ARSA: variants seen among roughly 807,000 people sequenced by gnomAD.
The protein encoded by ARSA is arylsulfatase A, also known as cerebroside-sulfatase.
Under a neutral mutation model 37.8 loss-of-function variants are expected in ARSA, and 32 were observed. That is an observed-to-expected ratio of 0.85 (90% CI 0.64 to 1.14). ARSA has a LOEUF of 1.14. ARSA is among the 50% of genes most tolerant of loss of function. The pLI is 0.00. For missense variants in ARSA, 685 were observed against 686.3 expected, an observed-to-expected ratio of 1.00 and a Z score of 0.02; for synonymous variants, 303 against 303.4, an observed-to-expected ratio of 1.00 and a Z score of 0.01.
Position 50,626,590 on chromosome 22 carries a change from C to T in ARSA, c.854+1G>A, listed in dbSNP as rs886041911. ...AGCACCCAGCTGCCCTGCTGGCATA[C>T]CCATTGTCTGCAGTGAAGATGACCA... On this transcript the variant is annotated splice_donor_variant, in intron 4 of 7. Coordinates refer to ENST00000216124, the MANE Select transcript of ARSA (RefSeq NM_000487.6). LOFTEE classifies it high-confidence loss of function. 6.2e-7 allele frequency: 1 copy of T among 1,612,982 alleles called. No homozygotes were observed.
intron 4 of ARSA, 52 bp downstream of exon 4, chr22:50,626,539 A>C: frequency 6.2e-7 from 1 of 1,604,766 alleles, no homozygotes. Context: ...CAAGGCCTCC[A>C]GGGCCCTGGC....
Position 50,624,738 on chromosome 22 carries a change from C to T in ARSA, c.*407G>A. On this transcript the variant is annotated 3_prime_UTR_variant, in exon 8 of 8. Transcript: ENST00000216124. ...CTGGCCCTCACACCCTCCCACCCTC[C>T]CACCCCGTTCCTGGCACTCAAAGGC... Among the ~76,000 whole-genome samples the T allele has an allele frequency of 6.7e-6, 1 of 149,078 alleles. No individual in the cohort carries two copies. Among genetic ancestry groups the T allele is most frequent in the Non-Finnish European group, 1.5e-5 (1 of 67,360 alleles).
intron 7 of ARSA, 56 bp downstream of exon 7, chr22:50,625,523 A>G: frequency 1.3e-6 from 2 of 1,580,906 alleles, no homozygotes; most frequent in Non-Finnish European, 1.7e-6. Flanking sequence ...CCAGGGATCT[A>G]GGGCTCCGGG....
At position 50,625,167 on chromosome 22, in the gene ARSA, T is replaced by A; in HGVS notation, c.1508A>T (p.His503Leu). Residue 503 changes from histidine to leucine, a missense_variant, in exon 8 of 8, where the codon CAT becomes CTT. His to Leu is a moderately conservative substitution (Grantham distance 99). Transcript: ENST00000216124. ...CCCTCAGGCATGGGGATCTGGGCAATGGCAGCAAGCTGGGCGGGGGGTGCA... is the reference window on the plus strand; with the variant it reads ...CCCTCAGGCATGGGGATCTGGGCAAAGGCAGCAAGCTGGGCGGGGGGTGCA... ...PGCTPRPACC[H>L]CPDPHA is the part of the protein sequence containing the mutation. 1 of 1,585,668 alleles carries A rather than the reference T, an allele frequency of 6.3e-7. No individual in the cohort carries two copies. The highest frequency in any genetic ancestry group is 8.6e-7 in the Non-Finnish European group (1 of 1,166,772).
chr22:50,625,850 C>T, intron 6 of ARSA, 86 bp downstream of exon 6: 1 of 1,545,888 alleles, frequency 6.5e-7, no homozygotes, highest in Non-Finnish European at 8.7e-7. Flanking sequence ...CACTGAGGCA[C>T]AGACTCTCAG....
rs1348625953 is a variant in ARSA at position 50,627,629 on chromosome 22, G to C, written c.151C>G (p.Leu51Val). 7 of 1,561,390 alleles carry C rather than the reference G, an allele frequency of 4.5e-6. 1 individual carries two copies. In the South Asian group the frequency reaches 7.1e-5, roughly 16 times the overall value. ...YGHPSSTTPN[L>V]DQLAAGGLRF... ...AGCCCTCCCGCCGCCAGCTGGTCCAGGTTGGGAGTGGTAGAGCTGGGGTGC... is the reference window on the plus strand; with the variant it reads ...AGCCCTCCCGCCGCCAGCTGGTCCACGTTGGGAGTGGTAGAGCTGGGGTGC... Residue 51 changes from leucine to valine, a missense_variant, in exon 1 of 8, where the codon CTG becomes GTG. Transcript: ENST00000216124.
chr22:50,624,842 T>C lies in ARSA; in HGVS notation c.*303A>G, dbSNP rs1326557584. On this transcript the variant is annotated 3_prime_UTR_variant, in exon 8 of 8. Coordinates refer to ENST00000216124, the MANE Select transcript of ARSA (RefSeq NM_000487.6). Reference sequence around the variant, plus strand: ...GCCTGTGTGCACTGACCCACGCAGATCACCAAGGCGCCAGGGCAGCTTCCA... The same window carrying C: ...GCCTGTGTGCACTGACCCACGCAGACCACCAAGGCGCCAGGGCAGCTTCCA... Among the ~76,000 whole-genome samples the C allele has an allele frequency of 6.7e-6, 1 of 149,280 alleles. No homozygotes were observed. The highest frequency in any genetic ancestry group is 1.5e-5 in the Non-Finnish European group (1 of 67,762).
At position 50,627,570 on chromosome 22, in the gene ARSA, C is replaced by T. The variant is rs776251854; in HGVS notation, c.210G>A (p.Leu70=). ...CCCCTCTTTACCTAGAGGGTGTGCA[C>T]AGAGACACAGGCACGTAGAAGTCTG... The part of the protein sequence containing the change: ...RFTDFYVPVS[L]CTPSRAALLT... Residue 70 remains leucine (L), a synonymous_variant, in exon 1 of 8, where the codon CTG becomes CTA. Transcript: ENST00000216124. 10 of 1,560,914 alleles carry T rather than the reference C, an allele frequency of 6.4e-6. No homozygotes were observed. The highest frequency in any genetic ancestry group is 7.8e-6 in the Non-Finnish European group (9 of 1,152,114).
chr22:50,628,136 G>T lies in ARSA; in HGVS notation c.-357C>A, dbSNP rs539296274. On this transcript the variant is annotated 5_prime_UTR_variant, in exon 1 of 8. Coordinates refer to ENST00000216124, the MANE Select transcript of ARSA (RefSeq NM_000487.6). Reference sequence around the variant, plus strand: ...GCCCAGGAGGAGCCGGTACCGGGCTGCGGGCGCTTCCGCCTCGGCCCCGCC... The same window carrying T: ...GCCCAGGAGGAGCCGGTACCGGGCTTCGGGCGCTTCCGCCTCGGCCCCGCC... 66 of 194,168 alleles carry T rather than the reference G, an allele frequency of 3.4e-4. No individual in the cohort carries two copies. The highest frequency in any genetic ancestry group is 1.5e-3 in the African/African-American group (62 of 42,678). The allele number at this position is 194,168 out of a possible 1,614,324, so 12.0% of individuals were successfully genotyped here.
Position 50,626,979 on chromosome 22 carries a change from G to C in ARSA, c.539C>G (p.Pro180Arg). ...GGACAGGTTGGCCAACAGTGGGATGGGGACCAGGCCCTGGTCACAGCCACC... is the reference window on the plus strand; with the variant it reads ...GGACAGGTTGGCCAACAGTGGGATGCGGACCAGGCCCTGGTCACAGCCACC... ...CDGGCDQGLVPIPLLANLSVE... is the reference protein window; with the variant it reads ...CDGGCDQGLVRIPLLANLSVE... The change falls in exon 3 of 8, where the codon CCC (proline) becomes CGC (arginine). Residue 180 changes from proline (P) to arginine (R), a missense_variant. Coordinates refer to ENST00000216124, the MANE Select transcript of ARSA (RefSeq NM_000487.6). 1 of 1,612,874 alleles carries C rather than the reference G, an allele frequency of 6.2e-7. No individual in the cohort carries two copies. Among genetic ancestry groups the C allele is most frequent in the Non-Finnish European group, 8.5e-7 (1 of 1,179,930 alleles).
intron 2 of ARSA, 34 bp downstream of exon 2, chr22:50,627,132 T>C: frequency 6.3e-7 from 1 of 1,590,380 alleles, no homozygotes; most frequent in Non-Finnish European, 8.6e-7. Context: ...CTTTGGGAGG[T>C]GGGAGGGTGG....
chr22:50,626,650 T>C lies in ARSA; in HGVS notation c.795A>G (p.Thr265=). 6.2e-7 allele frequency: 1 copy of C among 1,614,122 alleles called. No homozygotes were observed. Among genetic ancestry groups the C allele is most frequent in the Non-Finnish European group, 8.5e-7 (1 of 1,180,028 alleles). ...CAAGCAGCCCCAGGTCCCCTATGGC[T>C]GTCATCAGGGTCCCCACAGCTGCAT... The part of the protein sequence containing the change: ...ELDAAVGTLM[T]AIGDLGLLEE... Residue 265 remains threonine (T), a synonymous_variant, in exon 4 of 8, where the codon ACA becomes ACG. Coordinates refer to ENST00000216124, the MANE Select transcript of ARSA (RefSeq NM_000487.6).
In ARSA at chr22:50,627,615, C is replaced by T. The variant is rs1009808245; in HGVS notation, c.165G>A (p.Ala55=). Residue 55 remains alanine (A), a synonymous_variant, in exon 1 of 8, where the codon GCG becomes GCA. Coordinates refer to ENST00000216124, the MANE Select transcript of ARSA (RefSeq NM_000487.6). ...AGTCTGTGAACCGCAGCCCTCCCGC[C>T]GCCAGCTGGTCCAGGTTGGGAGTGG... ...SSTTPNLDQL[A]AGGLRFTDFY... 1.5e-5 allele frequency: 23 copies of T among 1,563,452 alleles called. No individual in the cohort carries two copies. The highest frequency in any genetic ancestry group is 1.9e-5 in the Non-Finnish European group (22 of 1,153,430).
rs1391043380 is a variant in ARSA, at chr22:50,626,891, G to A, written c.627C>T (p.Asp209=). 2 of 1,613,434 alleles carry A rather than the reference G, an allele frequency of 1.2e-6. No homozygotes were observed. ...CCTGGCGCTGGGCGTCGGCCATGAG[G>A]TCATGGGCGAAAGCCATGTAGCGGG... ...LEARYMAFAH[D]LMADAQRQDR... is the part of the protein sequence containing the mutation. Residue 209 remains aspartate (D), a synonymous_variant, in exon 3 of 8, where the codon GAC becomes GAT. Coordinates refer to ENST00000216124, the MANE Select transcript of ARSA (RefSeq NM_000487.6).
At position 50,624,667 on chromosome 22, in the gene ARSA, G is replaced by C. The variant is rs2082633604; in HGVS notation, c.*478C>G. ...TGTGTCTCTAAGAATGCTTCTTCTG[G>C]GGGAATATCCCGTCTCTCTCAGGCA... On this transcript the variant is annotated 3_prime_UTR_variant, in exon 8 of 8. Coordinates refer to ENST00000216124, the MANE Select transcript of ARSA (RefSeq NM_000487.6). Among the ~76,000 whole-genome samples, 1 of 152,122 alleles carries C rather than the reference G, an allele frequency of 6.6e-6. No individual in the cohort carries two copies. The highest frequency in any genetic ancestry group is 2.4e-5 in the African/African-American group (1 of 41,410).
At position 50,624,455 on chromosome 22, in the gene ARSA, T is replaced by C. The variant is rs1246860021; in HGVS notation, c.*690A>G. Among the ~76,000 whole-genome samples the C allele has an allele frequency of 6.6e-6, 1 of 152,074 alleles. No individual in the cohort carries two copies. Among genetic ancestry groups the C allele is most frequent in the Admixed American group, 6.6e-5 (1 of 15,250 alleles). The stretch of plus-strand genomic sequence containing the variant: ...AAAAGGTGAAGGCAGGAGACAGAAG[T>C]GTGGGCACAGGTGAAATGCAGAGGC... On this transcript the variant is annotated 3_prime_UTR_variant, in exon 8 of 8. Coordinates refer to ENST00000216124, the MANE Select transcript of ARSA (RefSeq NM_000487.6).
chr22:50,626,793 G>A (rs1265096964), intron 3 of ARSA, 33 bp from the exon 4 acceptor site: 1 of 1,611,598 alleles, frequency 6.2e-7, no homozygotes, highest in African/African-American at 1.3e-5. Flanking sequence ...GCACTGGGTA[G>A]GGGTCACGGG....
intron 1 of ARSA, 37 bp downstream of exon 1, chr22:50,627,519 G>C (rs2082696345): frequency 1.3e-6 from 2 of 1,568,676 alleles, no homozygotes; most frequent in African/African-American, 1.4e-5. Flanking sequence ...AAGGGATGGA[G>C]GGTCGGGGCG....
chr22:50,626,767 G>A lies in ARSA; in HGVS notation c.685-7C>T, dbSNP rs398123417. 6.2e-7 allele frequency: 1 copy of A among 1,612,494 alleles called. No homozygotes were observed. The highest frequency in any genetic ancestry group is 1.7e-5 in the Admixed American group (1 of 59,964). The stretch of plus-strand genomic sequence containing the variant: ...ACTGAGGGTAGTGGGTGTGCTGGGG[G>A]CAAAGACTGGAGTTAGCACTGGGTA... On this transcript the variant is annotated splice_region_variant and splice_polypyrimidine_tract_variant and intron_variant, in intron 3 of 7. Transcript: ENST00000216124.
Sources: allele counts gnomAD v4.1 joint callset (sites outside exome capture counted in the v4.1 genomes callset), GRCh38; gene constraint gnomAD v4.1.1; transcripts MANE v1.5; gene names NCBI Gene and HGNC (gene_info 2026-07-23, HGNC 2026-07-21).